The following CDH10 variants were observed in gnomAD, a reference collection of about 807,000 sequenced individuals.
CDH10 encodes cadherin-10.
Under a neutral mutation model 73.1 loss-of-function variants are expected in CDH10, and 30 were observed. The observed-to-expected ratio is 0.41, with a 90% confidence interval of 0.31 to 0.56. The LOEUF is 0.56. Among genes scored for constraint, CDH10 ranks in the 20% least tolerant of loss-of-function variants. The pLI is 0.27. For missense variants in CDH10, 815 were observed against 973.7 expected (o/e 0.84, Z 2.17); for synonymous variants, 345 against 348.2 (o/e 0.99, Z 0.10).
intron 5 of CDH10, among the ~76,000 whole-genome samples, chr5:24,514,341 T>TATAAA (rs1743028882): frequency 6.6e-6 from 1 of 152,148 alleles, no homozygotes; most frequent in South Asian, 2.1e-4. Context: ...GTCCTGTCAG[T>TATAAA]TTCTCTCAAA....
At position 24,505,200 on chromosome 5, in the gene CDH10, A is replaced by C; in HGVS notation, c.1305T>G (p.His435Gln). The stretch of plus-strand genomic sequence containing the variant: ...ATGTATAAAGAGATCCATTTCCTGA[A>C]TGAATGTTAAAGATTCTGTCAAGGT... ...HTDLDRIFNI[H>Q]SGNGSLYTSK... is the part of the protein sequence containing the mutation. Residue 435 changes from histidine to glutamine, a missense_variant, in exon 8 of 12, where the codon CAT becomes CAG. Around this residue, in one of 3 missense-constraint regions of CDH10, gnomAD observed 516 missense variants for 636.6 expected, o/e 0.81. Coordinates refer to ENST00000264463, the MANE Select transcript of CDH10 (RefSeq NM_006727.5). The C allele has an allele frequency of 7.4e-6, 12 of 1,612,458 alleles. No homozygotes were observed. Among genetic ancestry groups the C allele is most frequent in the Non-Finnish European group, 1.0e-5 (12 of 1,178,588 alleles).
intron 5 of CDH10, among the ~76,000 whole-genome samples, chr5:24,513,253 C>T (rs1016813322): frequency 2.6e-5 from 4 of 151,882 alleles, no homozygotes; most frequent in South Asian, 2.1e-4. Flanking sequence ...TCCTGACCTC[C>T]GGCGATCCTC....
At chr5:24,603,398 A>G (rs562856081) in intron 1 of CDH10, among the ~76,000 whole-genome samples, 76 of 152,342 alleles carry the variant, frequency 5.0e-4, no homozygotes, top group African/African-American at 1.8e-3. Context: ...ACAAAACAAA[A>G]TTGAAAAACA....
chr5:24,636,365 C>A (rs963910752), intron 1 of CDH10, among the ~76,000 whole-genome samples: 1 of 151,864 alleles, frequency 6.6e-6, no homozygotes, highest in Non-Finnish European at 1.5e-5. Flanking sequence ...AGAGCACTTA[C>A]GTTAGGTTGA....
At chr5:24,596,761 T>C (rs903193441) in intron 1 of CDH10, among the ~76,000 whole-genome samples, 1 of 152,004 alleles carries the variant, frequency 6.6e-6, no homozygotes, top group Non-Finnish European at 1.5e-5. Context: ...TTGAAACGTA[T>C]TGAATTTTCC....
chr5:24,610,930 T>C lies in CDH10; in HGVS notation c.-123-17317A>G, dbSNP rs143406926. 5.4e-4 allele frequency among the ~76,000 whole-genome samples: 82 copies of C among 152,334 alleles called. 1 individual carries two copies. The East Asian group carries it at 0.012, about 22-fold the overall frequency. Reference sequence around the variant, plus strand: ...GTAGTGAGGCTCAGCAATCAGTATTTAGTAAAAGAAAACAGAAAAAGAACA... The same window carrying C: ...GTAGTGAGGCTCAGCAATCAGTATTCAGTAAAAGAAAACAGAAAAAGAACA... On this transcript the variant is annotated intron_variant, in intron 1 of 11. Coordinates refer to ENST00000264463, the MANE Select transcript of CDH10 (RefSeq NM_006727.5).
rs201175549 is a variant in CDH10, at chr5:24,528,727, G to T, written c.814+6385C>A. ...ATTCAGTGTGTCCTGCCTGAATTTTGCCCTATAATCTATGTAAAAGTAGTG... is the reference window on the plus strand; with the variant it reads ...ATTCAGTGTGTCCTGCCTGAATTTTTCCCTATAATCTATGTAAAAGTAGTG... On this transcript the variant is annotated intron_variant, in intron 5 of 11. Coordinates refer to ENST00000264463, the MANE Select transcript of CDH10 (RefSeq NM_006727.5). Among the ~76,000 whole-genome samples the T allele has an allele frequency of 6.1e-4, 93 of 152,042 alleles. 1 individual carries two copies. The East Asian group carries it at 7.7e-3, about 13-fold the overall frequency.
chr5:24,565,916 G>T (rs1487600531), intron 2 of CDH10, among the ~76,000 whole-genome samples: 1 of 152,062 alleles, frequency 6.6e-6, no homozygotes, highest in African/African-American at 2.4e-5. Context: ...AGAACAATGA[G>T]AAAATAAATT....
At chr5:24,568,945 A>G (rs1745264313) in intron 2 of CDH10, among the ~76,000 whole-genome samples, 1 of 152,012 alleles carries the variant, frequency 6.6e-6, no homozygotes, top group Non-Finnish European at 1.5e-5. Context: ...CCCTGTCTCA[A>G]CTAAAAATTC....
At chr5:24,597,660 T>C (rs2112105793) in intron 1 of CDH10, among the ~76,000 whole-genome samples, 1 of 152,186 alleles carries the variant, frequency 6.6e-6, no homozygotes, top group African/African-American at 2.4e-5. Flanking sequence ...CTGGGTCTCA[T>C]TTCATTTTTA....
At chr5:24,498,101 G>GA (rs1188585554) in intron 9 of CDH10, among the ~76,000 whole-genome samples, 7 of 152,110 alleles carry the variant, frequency 4.6e-5, no homozygotes, top group African/African-American at 1.7e-4. Context: ...TTAGGGGTTT[G>GA]CTTGTCTTTG....
At chr5:24,560,905 A>G (rs1430317627) in intron 2 of CDH10, among the ~76,000 whole-genome samples, 1 of 152,124 alleles carries the variant, frequency 6.6e-6, no homozygotes, top group African/African-American at 2.4e-5. Context: ...AAATAATCCA[A>G]ATTTCCTGAT....
At chr5:24,567,038 C>G (rs961841494) in intron 2 of CDH10, among the ~76,000 whole-genome samples, 4 of 152,042 alleles carry the variant, frequency 2.6e-5, no homozygotes, top group Non-Finnish European at 4.4e-5. Flanking sequence ...TCAGAAACAT[C>G]TTGAATAAAC....
At chr5:24,618,046 G>C (rs1426683326) in intron 1 of CDH10, among the ~76,000 whole-genome samples, 1 of 152,174 alleles carries the variant, frequency 6.6e-6, no homozygotes, top group Non-Finnish European at 1.5e-5. Flanking sequence ...ATTCAAGAGT[G>C]TCCAATTTCA....
chr5:24,535,802 T>C lies in CDH10; in HGVS notation c.547A>G (p.Thr183Ala). 6.2e-7 allele frequency: 1 copy of C among 1,610,064 alleles called. No individual in the cohort carries two copies. Among genetic ancestry groups the C allele is most frequent in the Non-Finnish European group, 8.5e-7 (1 of 1,177,250 alleles). The stretch of plus-strand genomic sequence containing the variant: ...GAAGGGTCATCGGCATCTGTAGCTG[T>C]GACTTGCACCACAGAAGTACCTGAA... Reference protein sequence around the residue: ...SVVGTSVVQVTATDADDPSYG... With the variant: ...SVVGTSVVQVAATDADDPSYG... The change falls in exon 4 of 12, where the codon ACA becomes GCA. Residue 183 changes from threonine to alanine, a missense_variant. Around this residue, in one of 3 missense-constraint regions of CDH10, gnomAD observed 516 missense variants for 636.6 expected, o/e 0.81. Transcript: ENST00000264463.
intron 1 of CDH10, among the ~76,000 whole-genome samples, chr5:24,637,475 A>C (rs1747902746): frequency 2.0e-5 from 3 of 151,932 alleles, no homozygotes; most frequent in Admixed American, 6.6e-5. Context: ...TCCATTGTAA[A>C]TTATATTACA....
At chr5:24,612,771 T>C (rs1378106788) in intron 1 of CDH10, 1 of 152,230 alleles carries the variant, frequency 6.6e-6, no homozygotes, top group Non-Finnish European at 1.5e-5. Flanking sequence ...TGTGCTCCTA[T>C]TTAATCAATA....
At chr5:24,526,095 C>T (rs989738846) in intron 5 of CDH10, among the ~76,000 whole-genome samples, 2 of 151,952 alleles carry the variant, frequency 1.3e-5, no homozygotes, top group Non-Finnish European at 2.9e-5. Flanking sequence ...TCTGCAACAA[C>T]AGCTTTAATT....
chr5:24,591,392 A>G (rs1163228656), intron 2 of CDH10, among the ~76,000 whole-genome samples: 5 of 152,008 alleles, frequency 3.3e-5, no homozygotes, highest in African/African-American at 1.2e-4. Flanking sequence ...CATTTCTGTT[A>G]ACTCTAGTAG....
Sources: allele counts gnomAD v4.1 joint callset (sites outside exome capture counted in the v4.1 genomes callset), GRCh38; gene constraint gnomAD v4.1.1; regional missense constraint gnomAD v4.1.1; transcripts MANE v1.5; gene names NCBI Gene and HGNC (gene_info 2026-07-23, HGNC 2026-07-21).